Variants in IKZF1 observed in about 807,000 individuals in gnomAD.
IKZF1 encodes DNA-binding protein Ikaros.
In IKZF1, 10 loss-of-function variants were observed where a neutral mutation model predicts 51.7. The ratio of observed to expected loss-of-function variants is 0.19; its 90% CI spans 0.12 to 0.33. The LOEUF (loss-of-function observed/expected upper bound fraction) is 0.33. IKZF1 is among the 10% of genes least tolerant of loss of function. The pLI, the probability that IKZF1 is intolerant of heterozygous loss-of-function variation, is 1.00. For synonymous variants in IKZF1, 280 were observed against 282.3 expected (o/e 0.99, Z 0.08); for missense variants, 484 against 707.5 (o/e 0.68, Z 3.58).
At chr7:50,306,861 AT>A (rs1261554209) in intron 1 of IKZF1, among the ~76,000 whole-genome samples, 3 of 152,256 alleles carry the variant, frequency 2.0e-5, no homozygotes, top group African/African-American at 7.2e-5. Flanking sequence ...TATTTTCAAT[AT>A]AAATGTCAAA....
At chr7:50,337,108 G>A (rs1441457782) in intron 3 of IKZF1, among the ~76,000 whole-genome samples, 1 of 152,140 alleles carries the variant, frequency 6.6e-6, no homozygotes, top group Non-Finnish European at 1.5e-5. Flanking sequence ...CCAACCATGT[G>A]AGAGGGACCG....
At chr7:50,324,392 A>C (rs549606705) in intron 2 of IKZF1, among the ~76,000 whole-genome samples, 1 of 152,334 alleles carries the variant, frequency 6.6e-6, no homozygotes, top group East Asian at 1.9e-4. Context: ...CTTGGTGGGC[A>C]TGTGAATATA....
chr7:50,390,994 TGAAA>T, intron 6 of IKZF1, among the ~76,000 whole-genome samples: 1 of 152,162 alleles, frequency 6.6e-6, no homozygotes. Context: ...TGCCGGGAAA[TGAAA>T]GAGTTATATT....
At chr7:50,346,278 T>G (rs771192593) in intron 3 of IKZF1, among the ~76,000 whole-genome samples, 10 of 152,170 alleles carry the variant, frequency 6.6e-5, no homozygotes, top group Non-Finnish European at 1.5e-4. Flanking sequence ...TAAGCATCCT[T>G]AACAGGTGAT....
chr7:50,375,733 A>C (rs117849269), intron 3 of IKZF1, among the ~76,000 whole-genome samples: 9,688 of 119,872 alleles, frequency 0.081, 455 homozygotes, highest in South Asian at 0.12. Context: ...CCACCCAACA[A>C]ACACACAAGC....
rs1818050927 is a variant in IKZF1, at chr7:50,401,169, G to A, written c.*542G>A. 4.1e-6 allele frequency: 1 copy of A among 241,384 alleles called. No individual in the cohort carries two copies. Among genetic ancestry groups the A allele is most frequent in the Non-Finnish European group, 8.1e-6 (1 of 124,202 alleles). The allele number at this position is 241,384 out of a possible 1,614,324, so 15.0% of individuals were successfully genotyped here. A position where few individuals can be genotyped will look rare whatever the true frequency, so the allele number is the denominator to read the frequency against. On this transcript the variant is annotated 3_prime_UTR_variant, in exon 8 of 8. Coordinates refer to ENST00000331340, the MANE Select transcript of IKZF1 (RefSeq NM_006060.6). ...AACAACCTGTGCCCAGGCCAGCTTC[G>A]AGCTACATGCATCTAGGGCGGAGAG...
chr7:50,395,935 A>G (rs1816589064), intron 7 of IKZF1, among the ~76,000 whole-genome samples: 1 of 152,196 alleles, frequency 6.6e-6, no homozygotes, highest in South Asian at 2.1e-4. Flanking sequence ...TGCTGTGGAA[A>G]CATCAAGTCT....
At chr7:50,349,575 C>G (rs915414621) in intron 3 of IKZF1, among the ~76,000 whole-genome samples, 3 of 152,078 alleles carry the variant, frequency 2.0e-5, no homozygotes, top group African/African-American at 7.3e-5. Context: ...TATCGTGGGC[C>G]AAGGGGACAG....
At chr7:50,392,645 T>C (rs755442019) in intron 7 of IKZF1, among the ~76,000 whole-genome samples, 4 of 152,124 alleles carry the variant, frequency 2.6e-5, no homozygotes, top group African/African-American at 9.7e-5. Context: ...CACAGGGTGA[T>C]TGTGAATATC....
At chr7:50,364,824 C>T (rs868232363) in intron 3 of IKZF1, among the ~76,000 whole-genome samples, 4 of 152,338 alleles carry the variant, frequency 2.6e-5, no homozygotes, top group Middle Eastern at 3.4e-3. Flanking sequence ...TCAGTCCCTA[C>T]CCTGGATGTG....
chr7:50,373,422 A>G (rs1221921487), intron 3 of IKZF1, among the ~76,000 whole-genome samples: 2 of 152,198 alleles, frequency 1.3e-5, no homozygotes, highest in South Asian at 2.1e-4. Context: ...GCAAGAGTCA[A>G]TTCTCTCTAG....
At chr7:50,395,123 T>C (rs540551318) in intron 7 of IKZF1, among the ~76,000 whole-genome samples, 1 of 152,356 alleles carries the variant, frequency 6.6e-6, no homozygotes, top group Non-Finnish European at 1.5e-5. Flanking sequence ...AGATTAATGT[T>C]TTCAAATCAC....
intron 3 of IKZF1, chr7:50,368,914 AC>A (rs1383798393): frequency 1.4e-5 from 3 of 220,678 alleles, no homozygotes; most frequent in Admixed American, 5.8e-5. Flanking sequence ...AGTGCCAGTA[AC>A]AGTTAAAGAC....
chr7:50,324,125 T>C (rs1338387786), intron 2 of IKZF1, among the ~76,000 whole-genome samples: 10 of 152,244 alleles, frequency 6.6e-5, no homozygotes, highest in Admixed American at 6.5e-4. Flanking sequence ...TTTTAAATGG[T>C]TAACCAGGCA....
intron 3 of IKZF1, among the ~76,000 whole-genome samples, chr7:50,371,171 C>T (rs946107633): frequency 6.6e-6 from 1 of 152,182 alleles, no homozygotes; most frequent in African/African-American, 2.4e-5. Flanking sequence ...GCATTTTCAA[C>T]AGAATTCAGC....
intron 3 of IKZF1, among the ~76,000 whole-genome samples, chr7:50,329,859 C>G (rs1441944486): frequency 3.9e-5 from 6 of 152,256 alleles, no homozygotes; most frequent in African/African-American, 1.4e-4. Flanking sequence ...TCCCTGGAAT[C>G]CCTGCAGCTG....
At position 50,368,258 on chromosome 7, in the gene IKZF1, C is replaced by T. The variant is rs541802498; in HGVS notation, c.161-8275C>T. 1.5e-4 allele frequency: 108 copies of T among 703,142 alleles called. 2 individuals carry two copies. The Middle Eastern group carries it at 0.01, about 67-fold the overall frequency. 43.6% of individuals were successfully genotyped at this position (703,142 alleles called of 1,614,324 possible). A position where few individuals can be genotyped will look rare whatever the true frequency, so the allele number is the denominator to read the frequency against. On this transcript the variant is annotated intron_variant, in intron 3 of 7. Transcript: ENST00000331340. ...CAAAACGAAGGTCTAGGCAGTTGTGCGGTGTCCTGGGAGCATGGCAGTGGA... is the reference window on the plus strand; with the variant it reads ...CAAAACGAAGGTCTAGGCAGTTGTGTGGTGTCCTGGGAGCATGGCAGTGGA...
intron 6 of IKZF1, among the ~76,000 whole-genome samples, chr7:50,390,108 C>T (rs145862562): frequency 6.6e-6 from 1 of 152,210 alleles, no homozygotes; most frequent in East Asian, 1.9e-4. Context: ...AACAGAGTCA[C>T]CAGCCCTTGG....
At chr7:50,394,604 C>A (rs986261339) in intron 7 of IKZF1, among the ~76,000 whole-genome samples, 3 of 152,154 alleles carry the variant, frequency 2.0e-5, no homozygotes, top group African/African-American at 7.2e-5. Context: ...CCTCCCAGAG[C>A]TATTCTGAGG....
Sources: allele counts gnomAD v4.1 joint callset (sites outside exome capture counted in the v4.1 genomes callset), GRCh38; gene constraint gnomAD v4.1.1; transcripts MANE v1.5; gene names NCBI Gene and HGNC (gene_info 2026-07-23, HGNC 2026-07-21).